Variants in ITPK1 observed in about 807,000 individuals in gnomAD.
ITPK1 encodes the protein inositol 1,3,4-trisphosphate 5/6-kinase.
A neutral mutation model predicts 45.3 loss-of-function variants in ITPK1; 21 were observed. That is an observed-to-expected ratio of 0.46 (90% CI 0.33 to 0.67). ITPK1 has a LOEUF of 0.67. Ranked by LOEUF, ITPK1 falls within the 30% of genes least tolerant of loss-of-function variation. The pLI is 0.02. For synonymous variants in ITPK1, 258 were observed against 253.6 expected, an observed-to-expected ratio of 1.02 and a Z score of -0.16; for missense variants, 474 against 573.5, an observed-to-expected ratio of 0.83 and a Z score of 1.77.
At chr14:93,057,045 C>T (rs753536948) in intron 3 of ITPK1, among the ~76,000 whole-genome samples, 18 of 152,168 alleles carry the variant, frequency 1.2e-4, no homozygotes, top group Non-Finnish European at 2.2e-4. Context: ...GCTTAGAAAG[C>T]GCCTGGCTCA....
chr14:92,947,445 AAGTGGG>A (rs1887742691), intron 9 of ITPK1, among the ~76,000 whole-genome samples: 1 of 152,208 alleles, frequency 6.6e-6, no homozygotes, highest in Non-Finnish European at 1.5e-5. Flanking sequence ...GCCTCCAAGG[AAGTGGG>A]GCACTGCACT....
intron 3 of ITPK1, among the ~76,000 whole-genome samples, chr14:93,060,747 G>A (rs1890483214): frequency 6.6e-6 from 1 of 152,172 alleles, no homozygotes; most frequent in Non-Finnish European, 1.5e-5. Context: ...GGCAACAGCA[G>A]ATCTGAGTTC....
chr14:93,061,998 T>C (rs567679976), intron 3 of ITPK1, among the ~76,000 whole-genome samples: 1 of 152,352 alleles, frequency 6.6e-6, no homozygotes, highest in East Asian at 1.9e-4. Context: ...ATGTCAAGGC[T>C]GGTGGCTCGC....
intron 2 of ITPK1, among the ~76,000 whole-genome samples, chr14:93,112,386 C>G (rs947337753): frequency 2.0e-5 from 3 of 152,030 alleles, no homozygotes; most frequent in Non-Finnish European, 2.9e-5. Flanking sequence ...ACAACCCACC[C>G]CGGGCCGGAC....
At chr14:93,035,528 G>A (rs1009313583) in intron 3 of ITPK1, among the ~76,000 whole-genome samples, 1 of 148,820 alleles carries the variant, frequency 6.7e-6, no homozygotes, top group Non-Finnish European at 1.5e-5. Context: ...TCTGCACTGA[G>A]AAGCCAAGGG....
intron 5 of ITPK1, among the ~76,000 whole-genome samples, chr14:92,966,606 A>G (rs1885375575): frequency 6.6e-6 from 1 of 152,238 alleles, no homozygotes; most frequent in South Asian, 2.1e-4. Flanking sequence ...TAAAATTCCT[A>G]TGAAAATGCA....
At chr14:93,028,229 G>A (rs1595150286) in intron 3 of ITPK1, among the ~76,000 whole-genome samples, 1 of 152,338 alleles carries the variant, frequency 6.6e-6, no homozygotes, top group East Asian at 1.9e-4. Context: ...CCATTCATGT[G>A]GCTGACGAAA....
chr14:93,018,449 C>A (rs1430975173), intron 3 of ITPK1, among the ~76,000 whole-genome samples: 1 of 152,098 alleles, frequency 6.6e-6, no homozygotes, highest in Non-Finnish European at 1.5e-5. Context: ...ACCCCCGGAA[C>A]GCAGCAGCTC....
In ITPK1 at chr14:93,076,909, G is replaced by A. The variant is rs897772908; in HGVS notation, c.96-290C>T. Reference sequence around the variant, plus strand: ...CTCCTGGGCCGGGCCTCTGTCAGCCGAGCTCCAGCCTGGGTCGTCCCAAGG... The same window carrying A: ...CTCCTGGGCCGGGCCTCTGTCAGCCAAGCTCCAGCCTGGGTCGTCCCAAGG... On this transcript the variant is annotated intron_variant, in intron 2 of 10. Transcript: ENST00000267615. This position sits in a 1 kb window ranked among gnomAD's most constrained non-coding sequence, Gnocchi z 4.3. Among the ~76,000 whole-genome samples, 1 of 152,030 alleles carries A rather than the reference G, an allele frequency of 6.6e-6. No homozygotes were observed.
At chr14:93,067,685 A>G (rs1159285852) in intron 3 of ITPK1, 1 of 151,196 alleles carries the variant, frequency 6.6e-6, no homozygotes, top group African/African-American at 2.4e-5. Flanking sequence ...GAAAAATGTG[A>G]TTTTTTTTTA....
intron 10 of ITPK1, among the ~76,000 whole-genome samples, chr14:92,944,625 C>A (rs1231696011): frequency 2.0e-5 from 3 of 152,232 alleles, no homozygotes; most frequent in Admixed American, 1.3e-4. Flanking sequence ...CCTGTGCCCC[C>A]CTGGCCCTCC....
intron 5 of ITPK1, among the ~76,000 whole-genome samples, chr14:92,983,263 G>A (rs1886318692): frequency 6.6e-6 from 1 of 152,152 alleles, no homozygotes; most frequent in South Asian, 2.1e-4. Context: ...CTGGACCCAG[G>A]CAGACGCTCA....
At chr14:93,053,817 T>C (rs559539114) in intron 3 of ITPK1, among the ~76,000 whole-genome samples, 2 of 152,158 alleles carry the variant, frequency 1.3e-5, no homozygotes, top group Non-Finnish European at 2.9e-5. Flanking sequence ...ATAGAGTCTA[T>C]TAAAAATCAA....
intron 3 of ITPK1, among the ~76,000 whole-genome samples, chr14:93,062,358 A>G (rs529763946): frequency 6.6e-6 from 1 of 152,106 alleles, no homozygotes; most frequent in Admixed American, 6.6e-5. Flanking sequence ...TGAGCCCAGG[A>G]GTTCAAAGCT....
At chr14:93,039,775 T>G (rs1260281078) in intron 3 of ITPK1, among the ~76,000 whole-genome samples, 3 of 152,222 alleles carry the variant, frequency 2.0e-5, no homozygotes, top group Admixed American at 2.0e-4. Context: ...TCAAAAACAC[T>G]TGAGGAGCTA....
intron 5 of ITPK1, among the ~76,000 whole-genome samples, chr14:92,983,544 A>C (rs1886329995): frequency 6.6e-6 from 1 of 152,226 alleles, no homozygotes; most frequent in African/African-American, 2.4e-5. Flanking sequence ...ACAGGCAAAG[A>C]TTCATTCATA....
chr14:93,096,764 G>A (rs997441155), intron 2 of ITPK1, among the ~76,000 whole-genome samples: 1 of 152,160 alleles, frequency 6.6e-6, no homozygotes, highest in Non-Finnish European at 1.5e-5. Flanking sequence ...GAATGTAGGG[G>A]CTCCAATGTT....
chr14:92,979,631 C>T (rs1250230895), intron 5 of ITPK1, among the ~76,000 whole-genome samples: 1 of 152,064 alleles, frequency 6.6e-6, no homozygotes, highest in African/African-American at 2.4e-5. Context: ...TCCCCTTTTG[C>T]TCTGTTTCTC....
rs148057721 is a variant in ITPK1 at position 92,985,949 on chromosome 14, C to T, written c.364+7931G>A. Among the ~76,000 whole-genome samples the T allele has an allele frequency of 9.2e-5, 14 of 152,278 alleles. No individual in the cohort carries two copies. In the East Asian group the frequency reaches 1.9e-3, roughly 21 times the overall value. On this transcript the variant is annotated intron_variant, in intron 5 of 10. Coordinates refer to ENST00000267615, the MANE Select transcript of ITPK1 (RefSeq NM_014216.6). ...GGCTCAATGCAGTTAAATAACCTGC[C>T]TAAATGCACACAGCTGGGTGTTTAG...
Sources: gnomAD v4.1 joint callset for allele counts (sites outside exome capture counted in the v4.1 genomes callset) on GRCh38, gnomAD v4.1.1 for gene constraint, Gnocchi (gnomAD v3.1) non-coding constraint, MANE v1.5 for transcripts, NCBI Gene and HGNC (gene_info 2026-07-23, HGNC 2026-07-21) for gene names.